Variants in THSD7A observed in about 807,000 individuals in gnomAD.
The protein encoded by THSD7A is thrombospondin type 1 domain containing 7A.
THSD7A carries 96 observed loss-of-function variants against 231.3 expected under a neutral mutation model. The observed-to-expected ratio is 0.41, with a 90% confidence interval of 0.35 to 0.49. The LOEUF (loss-of-function observed/expected upper bound fraction) is 0.49. Ranked by LOEUF, THSD7A falls within the 20% of genes least tolerant of loss-of-function variation. THSD7A has a pLI of 0.05. For synonymous variants in THSD7A, 940 were observed against 743.3 expected (o/e 1.26, Z -4.30); for missense variants, 2,290 against 2,070.2 (o/e 1.11, Z -2.06).
intron 23 of THSD7A, among the ~76,000 whole-genome samples, chr7:11,394,610 T>C (rs948526683): frequency 6.6e-6 from 1 of 152,158 alleles, no homozygotes; most frequent in Non-Finnish European, 1.5e-5. Flanking sequence ...AACCGATCTT[T>C]GATCACCCGC....
chr7:11,760,992 T>C (rs1782839957), intron 1 of THSD7A, among the ~76,000 whole-genome samples: 1 of 148,768 alleles, frequency 6.7e-6, no homozygotes, highest in Non-Finnish European at 1.5e-5. Context: ...ATAATTATAA[T>C]TTTTATAAAT....
At chr7:11,643,537 T>G (rs775266767) in intron 1 of THSD7A, among the ~76,000 whole-genome samples, 4 of 152,030 alleles carry the variant, frequency 2.6e-5, no homozygotes, top group Non-Finnish European at 5.9e-5. Context: ...AATTGTTCTA[T>G]AATTTGCTTT....
rs1781827955 is a variant in THSD7A at position 11,636,026 on chromosome 7, G to T, written c.1022+104C>A. On this transcript the variant is annotated intron_variant, in intron 2 of 27. Coordinates refer to ENST00000423059, the MANE Select transcript of THSD7A (RefSeq NM_015204.3). This position sits in a 1 kb window ranked among gnomAD's most constrained non-coding sequence, Gnocchi z 10.0. ...ATTTGGGGGTAGCTCATCCTAGGTT[G>T]TGCCCCTACGTAATCCAGAAGTTAT... The T allele has an allele frequency of 9.2e-7, 1 of 1,089,278 alleles. No homozygotes were observed. The highest frequency in any genetic ancestry group is 2.5e-5 in the Admixed American group (1 of 39,428). 67.5% of individuals were successfully genotyped at this position (1,089,278 alleles called of 1,614,324 possible). A position where few individuals can be genotyped will look rare whatever the true frequency, so the allele number is the denominator to read the frequency against.
In THSD7A at chr7:11,379,164, T is replaced by G. The variant is rs1388141314; in HGVS notation, c.4707A>C (p.Gly1569=). The G allele has an allele frequency of 6.2e-7, 1 of 1,613,694 alleles. No homozygotes were observed. The change falls in exon 26 of 28, where the codon GGA becomes GGC. Residue 1569 remains glycine, a synonymous_variant. Transcript: ENST00000423059. ...VVLPTMEDKR[G]DVKTSRAVHP... Reference sequence around the variant, plus strand: ...GTACAGCCCGACTGGTTTTCACATCTCCTCTTTTGTCCTCCATGGTGGGTA... The same window carrying G: ...GTACAGCCCGACTGGTTTTCACATCGCCTCTTTTGTCCTCCATGGTGGGTA...
chr7:11,390,243 C>T (rs907259144), intron 23 of THSD7A, among the ~76,000 whole-genome samples: 83 of 152,302 alleles, frequency 5.4e-4, no homozygotes, highest in African/African-American at 1.9e-3. Flanking sequence ...GTACAACAAT[C>T]AAAGGCAGAT....
intron 6 of THSD7A, among the ~76,000 whole-genome samples, chr7:11,504,191 C>T (rs1787453743): frequency 6.6e-6 from 1 of 152,120 alleles, no homozygotes; most frequent in African/African-American, 2.4e-5. Flanking sequence ...ATATCATCCT[C>T]AGAAAGCTAA....
At chr7:11,684,843 T>C (rs1282479334) in intron 1 of THSD7A, among the ~76,000 whole-genome samples, 7 of 152,106 alleles carry the variant, frequency 4.6e-5, no homozygotes, top group South Asian at 2.1e-4. Context: ...AAATTATCAA[T>C]GCCATTCTTC....
chr7:11,521,630 G>C (rs1788270473), intron 6 of THSD7A, among the ~76,000 whole-genome samples: 1 of 141,964 alleles, frequency 7.0e-6, no homozygotes, highest in Non-Finnish European at 1.5e-5. Flanking sequence ...TGCCATGCTG[G>C]TGCGCTGCAC....
At chr7:11,447,706 A>G (rs1028250777) in intron 11 of THSD7A, among the ~76,000 whole-genome samples, 1 of 152,154 alleles carries the variant, frequency 6.6e-6, no homozygotes, top group African/African-American at 2.4e-5. Flanking sequence ...TCAGGGTTTC[A>G]ATTCATGTCA....
chr7:11,541,276 A>G (rs2074604), intron 6 of THSD7A, 143 bp downstream of exon 6: 198,909 of 767,414 alleles, frequency 0.26, 27,121 homozygotes, highest in South Asian at 0.34. Context: ...AGGGAAAGAG[A>G]GGGAGGGAGA....
At position 11,447,334 on chromosome 7, in the gene THSD7A, C is replaced by A. The variant is rs771032468; in HGVS notation, c.2696G>T (p.Cys899Phe). 5.0e-6 allele frequency: 8 copies of A among 1,612,568 alleles called. No homozygotes were observed. Among genetic ancestry groups the A allele is most frequent in the Non-Finnish European group, 6.8e-6 (8 of 1,179,308 alleles). Residue 899 changes from cysteine to phenylalanine, a missense_variant, in exon 12 of 28, where the codon TGC becomes TTC. Coordinates refer to ENST00000423059, the MANE Select transcript of THSD7A (RefSeq NM_015204.3). ...ACAGTCATCCTGGCAGGGGATCTGG[C>A]AGGCCTGGGTAAGGGCTGGCACAGG... ...AGPVPALTQA[C>F]QIPCQDDCQL...
chr7:11,718,574 C>T (rs1478366666), intron 1 of THSD7A, among the ~76,000 whole-genome samples: 1 of 151,638 alleles, frequency 6.6e-6, no homozygotes, highest in Non-Finnish European at 1.5e-5. Flanking sequence ...TCATAATTAT[C>T]TACATTATTT....
At chr7:11,573,259 C>T (rs1337349853) in intron 4 of THSD7A, among the ~76,000 whole-genome samples, 3 of 152,192 alleles carry the variant, frequency 2.0e-5, no homozygotes, top group East Asian at 1.9e-4. Flanking sequence ...GGTATCACCC[C>T]ACATGTATTC....
At chr7:11,442,086 T>C (rs965069390) in intron 13 of THSD7A, among the ~76,000 whole-genome samples, 5 of 152,118 alleles carry the variant, frequency 3.3e-5, no homozygotes, top group African/African-American at 1.2e-4. Context: ...ATGTTTTTAC[T>C]GCAGATATGC....
chr7:11,776,963 A>C (rs906825079), intron 1 of THSD7A, among the ~76,000 whole-genome samples: 2 of 152,130 alleles, frequency 1.3e-5, no homozygotes, highest in African/African-American at 2.4e-5. Context: ...TTTAACATCA[A>C]CTGTAACCAT....
In THSD7A at chr7:11,832,020, CT is replaced by C; in HGVS notation, c.-75del. ...GAATTTTTCTCCGCTCTTGGAACGT[CT>C]TTTCAAAGAGTACAGAAAGCAAAGC... On this transcript the variant is annotated 5_prime_UTR_variant, in exon 1 of 28. Transcript: ENST00000423059. The C allele has an allele frequency of 9.8e-7, 1 of 1,019,618 alleles. No individual in the cohort carries two copies. Among genetic ancestry groups the C allele is most frequent in the Non-Finnish European group, 1.2e-6 (1 of 802,182 alleles). The allele number at this position is 1,019,618 out of a possible 1,614,324, so 63.2% of individuals were successfully genotyped here.
At position 11,502,428 on chromosome 7, in the gene THSD7A, T is replaced by G. The variant is rs928662859; in HGVS notation, c.1823-20446A>C. Among the ~76,000 whole-genome samples the G allele has an allele frequency of 5.9e-5, 9 of 152,044 alleles. No individual in the cohort carries two copies. In the East Asian group the frequency reaches 1.5e-3, roughly 26 times the overall value. ...CCAAATCCAGCAGCACGTCAAAAAC[T>G]AAATCACCATTATCAAGTAGGCTTC... On this transcript the variant is annotated intron_variant, in intron 6 of 27. Transcript: ENST00000423059.
intron 1 of THSD7A, among the ~76,000 whole-genome samples, chr7:11,819,138 T>C (rs1413550033): frequency 1.3e-5 from 2 of 152,146 alleles, no homozygotes; most frequent in African/African-American, 4.8e-5. Flanking sequence ...AAACAAGATA[T>C]GCATCCATTA....
chr7:11,668,370 A>T (rs1205487503), intron 1 of THSD7A, among the ~76,000 whole-genome samples: 2 of 152,066 alleles, frequency 1.3e-5, no homozygotes, highest in African/African-American at 4.8e-5. Context: ...GTGAGCCAAG[A>T]TCGTGCCATT....
Sources: allele counts gnomAD v4.1 joint callset (sites outside exome capture counted in the v4.1 genomes callset), GRCh38; gene constraint gnomAD v4.1.1; non-coding constraint Gnocchi (gnomAD v3.1); transcripts MANE v1.5; gene names NCBI Gene and HGNC (gene_info 2026-07-23, HGNC 2026-07-21).